The following ZFR2 variants were observed in gnomAD, a reference collection of about 807,000 sequenced individuals.
ZFR2 encodes zinc finger RNA binding protein 2.
Under a neutral mutation model 105.7 loss-of-function variants are expected in ZFR2, and 104 were observed. The ratio of observed to expected loss-of-function variants is 0.98; its 90% CI spans 0.84 to 1.16. ZFR2 has a LOEUF of 1.16. Among genes scored for constraint, ZFR2 ranks in the 50% most tolerant of loss-of-function variants. The probability of loss-of-function intolerance (pLI) is 0.00; values close to 1 mark genes in which losing one functional copy is unlikely to be tolerated. For missense variants in ZFR2, 1,425 were observed against 1,355.5 expected (o/e 1.05, Z -0.80); for synonymous variants, 634 against 597.7 (o/e 1.06, Z -0.89).
chr19:3,814,056 C>G (rs774055812), intron 13 of ZFR2, 98 bp from the exon 14 acceptor site: 2 of 1,527,542 alleles, frequency 1.3e-6, no homozygotes, highest in Non-Finnish European at 1.8e-6. Context: ...TTAATCCCGT[C>G]GGGCCTCCCA....
At chr19:3,812,003 G>C (rs2037770258) in intron 14 of ZFR2, among the ~76,000 whole-genome samples, 1 of 152,066 alleles carries the variant, frequency 6.6e-6, no homozygotes, top group Non-Finnish European at 1.5e-5. Context: ...GAATGCAGTG[G>C]CGCAATCTTG....
chr19:3,833,257 AAAAAAAAAAG>A (rs1283806178), intron 3 of ZFR2, among the ~76,000 whole-genome samples: 9 of 146,686 alleles, frequency 6.1e-5, no homozygotes, highest in African/African-American at 5.0e-5. Flanking sequence ...TCAAAAAAAA[AAAAAAAAAAG>A]AAAAGAAAAG....
In ZFR2 at chr19:3,818,980, G is replaced by A. The variant is rs75844484; in HGVS notation, c.1931+65C>T. On this transcript the variant is annotated intron_variant, in intron 12 of 18. Coordinates refer to ENST00000262961, the MANE Select transcript of ZFR2 (RefSeq NM_015174.2). ...GAGCTAGGGGTTCCTGCAGGGTCTC[G>A]TCCCGAGGAGCTGACCTCTGTCCTG... 1.4e-3 allele frequency: 2,230 copies of A among 1,551,114 alleles called. 41 individuals carry two copies. In the East Asian group the frequency reaches 0.042, roughly 29 times the overall value.
At chr19:3,868,221 T>G (rs2038456374) in intron 1 of ZFR2, among the ~76,000 whole-genome samples, 1 of 147,064 alleles carries the variant, frequency 6.8e-6, no homozygotes, top group East Asian at 2.1e-4. Flanking sequence ...AGGGGCCAAT[T>G]CCTCACCCCT....
At chr19:3,840,257 T>A (rs2038121815) in intron 1 of ZFR2, among the ~76,000 whole-genome samples, 1 of 151,654 alleles carries the variant, frequency 6.6e-6, no homozygotes, top group African/African-American at 2.4e-5. Flanking sequence ...TTTTTTTTTT[T>A]GAGACAGTCT....
chr19:3,810,981 C>G (rs1315905150), intron 15 of ZFR2, 136 bp from the exon 16 acceptor site: 1 of 990,042 alleles, frequency 1.0e-6, no homozygotes, highest in Non-Finnish European at 1.5e-6. Context: ...CGGGTGGAAA[C>G]AGAGTCCACT....
intron 1 of ZFR2, 116 bp downstream of exon 1, chr19:3,868,849 G>C: frequency 1.1e-6 from 1 of 905,722 alleles, no homozygotes; most frequent in East Asian, 3.4e-5. Context: ...GGGGTTCCAG[G>C]TTGGGGCTGG....
chr19:3,868,963 A>AC lies in ZFR2; in HGVS notation c.53+1dup. The AC allele has an allele frequency of 7.5e-7, 1 of 1,334,914 alleles. No individual in the cohort carries two copies. Among genetic ancestry groups the AC allele is most frequent in the Non-Finnish European group, 9.7e-7 (1 of 1,033,586 alleles). The allele number at this position is 1,334,914 out of a possible 1,614,324, so 82.7% of individuals were successfully genotyped here. On this transcript the variant is annotated splice_donor_variant, in intron 1 of 18. Transcript: ENST00000262961. LOFTEE classifies it high-confidence loss of function. ...CGGGGGCTGGCGCGGCGGGGCAGTT[A>AC]CCTGTACTGCGGGCCGCCGCCCTGC...
At chr19:3,852,650 G>A (rs1208183205) in intron 1 of ZFR2, 17 of 701,686 alleles carry the variant, frequency 2.4e-5, no homozygotes, top group Non-Finnish European at 3.7e-5. Flanking sequence ...GGAAGGGCAT[G>A]GATATAAGGG....
intron 1 of ZFR2, 149 bp from the exon 2 acceptor site, chr19:3,835,132 A>T (rs1359557622): frequency 4.7e-6 from 4 of 843,516 alleles, no homozygotes; most frequent in Non-Finnish European, 7.6e-6. Flanking sequence ...GGCCGGAAGC[A>T]CTTTACACAA....
chr19:3,805,792 C>G lies in ZFR2; in HGVS notation c.*157G>C, dbSNP rs61530456. On this transcript the variant is annotated 3_prime_UTR_variant, in exon 19 of 19. Coordinates refer to ENST00000262961, the MANE Select transcript of ZFR2 (RefSeq NM_015174.2). ...GATTAAAGGCATGAGCCACAGTGCC[C>G]GGTCTGAAGCACAGGTGTTTTAAAG... The G allele has an allele frequency of 2.2e-6, 2 of 890,180 alleles. No homozygotes were observed. The highest frequency in any genetic ancestry group is 4.1e-5 in the South Asian group (2 of 48,696). 55.1% of individuals were successfully genotyped at this position (890,180 alleles called of 1,614,324 possible). A position where few individuals can be genotyped will look rare whatever the true frequency, so the allele number is the denominator to read the frequency against.
intron 18 of ZFR2, among the ~76,000 whole-genome samples, chr19:3,806,333 G>A (rs569547851): frequency 1.8e-4 from 28 of 152,298 alleles, no homozygotes; most frequent in Middle Eastern, 3.4e-3. Context: ...CGCGATCTCA[G>A]CTCATTGCAA....
At chr19:3,811,131 GC>G in intron 15 of ZFR2, 140 bp downstream of exon 15, 1 of 866,032 alleles carries the variant, frequency 1.2e-6, no homozygotes, top group Non-Finnish European at 1.7e-6. Flanking sequence ...TCAGCACTCG[GC>G]CAGGAAGCTG....
intron 17 of ZFR2, among the ~76,000 whole-genome samples, chr19:3,807,652 T>C (rs574985702): frequency 6.6e-6 from 1 of 151,738 alleles, no homozygotes; most frequent in Non-Finnish European, 1.5e-5. Context: ...TGTGCATGTG[T>C]GCCCGTGTGT....
chr19:3,821,598 C>A, intron 9 of ZFR2, 119 bp from the exon 10 acceptor site: 50 of 603,318 alleles, frequency 8.3e-5, no homozygotes, highest in Non-Finnish European at 1.2e-4. Context: ...AAAAATCTCC[C>A]AAAGCCTTTT....
rs2037706528 is a variant in ZFR2, at chr19:3,807,239, C to T, written c.2576G>A (p.Arg859Lys). ...DGPGLQDPCE[R>K]DQTDALEPMT... ...GGGCTCGAGGGCATCTGTCTGGTCT[C>T]TCTCGCAGGGATCCTGGAGCCCGGG... The change falls in exon 18 of 19, where the codon AGA becomes AAA. Residue 859 changes from arginine to lysine, a missense_variant. Physicochemically the swap from Arg to Lys is conservative, Grantham distance 26. Transcript: ENST00000262961. 2 of 1,561,190 alleles carry T rather than the reference C, an allele frequency of 1.3e-6. No homozygotes were observed. The highest frequency in any genetic ancestry group is 2.4e-5 in the South Asian group (2 of 84,840).
chr19:3,854,030 G>A (rs1303983641), intron 1 of ZFR2, among the ~76,000 whole-genome samples: 1 of 151,848 alleles, frequency 6.6e-6, no homozygotes, highest in Non-Finnish European at 1.5e-5. Context: ...GCTGCAGTGA[G>A]CTTTGATCAC....
chr19:3,855,309 A>G (rs1177835387), intron 1 of ZFR2: 1 of 1,161,172 alleles, frequency 8.6e-7, no homozygotes, highest in African/African-American at 1.6e-5. Flanking sequence ...TAAGCTGAAA[A>G]AAAAAGTCAT....
At chr19:3,814,544 C>A (rs1020373948) in intron 13 of ZFR2, among the ~76,000 whole-genome samples, 7 of 152,224 alleles carry the variant, frequency 4.6e-5, no homozygotes, top group Admixed American at 2.6e-4. Context: ...CTCAGGGCCT[C>A]CCTGCTGCAA....
Sources: gnomAD v4.1 joint callset for allele counts (sites outside exome capture counted in the v4.1 genomes callset) on GRCh38, gnomAD v4.1.1 for gene constraint, MANE v1.5 for transcripts, NCBI Gene and HGNC (gene_info 2026-07-23, HGNC 2026-07-21) for gene names.